The following CHRM3 variants were observed in gnomAD, a reference collection of about 807,000 sequenced individuals.
CHRM3 encodes cholinergic receptor muscarinic 3.
In CHRM3, 11 loss-of-function variants were observed where a neutral mutation model predicts 41.8. The observed-to-expected ratio is 0.26, with a 90% CI of 0.17 to 0.44. The LOEUF (loss-of-function observed/expected upper bound fraction) is 0.44. CHRM3 is among the 20% of genes least tolerant of loss of function. The pLI, the probability that CHRM3 is intolerant of heterozygous loss-of-function variation, is 1.00. For synonymous variants in CHRM3, 297 were observed against 301.4 expected, an observed-to-expected ratio of 0.99 and a Z score of 0.15; for missense variants, 571 against 745.4, an observed-to-expected ratio of 0.77 and a Z score of 2.72.
At chr1:239,390,963 C>T (rs914803088) in intron 1 of CHRM3, among the ~76,000 whole-genome samples, 1 of 152,066 alleles carries the variant, frequency 6.6e-6, no homozygotes, top group Non-Finnish European at 1.5e-5. Flanking sequence ...ATAGCCAGAC[C>T]CCATCTCTAC....
intron 5 of CHRM3, among the ~76,000 whole-genome samples, chr1:239,698,931 C>T (rs1210161762): frequency 6.6e-6 from 1 of 152,170 alleles, no homozygotes; most frequent in East Asian, 1.9e-4. Context: ...TGTTCTCACA[C>T]ACTTACTTCT....
intron 1 of CHRM3, among the ~76,000 whole-genome samples, chr1:239,486,623 C>A (rs1667199450): frequency 6.6e-6 from 1 of 152,152 alleles, no homozygotes; most frequent in Non-Finnish European, 1.5e-5. Flanking sequence ...GTGAAAGTAG[C>A]CAAACCAGGT....
chr1:239,640,093 C>A (rs1384443648), intron 4 of CHRM3, among the ~76,000 whole-genome samples: 1 of 151,854 alleles, frequency 6.6e-6, no homozygotes, highest in Non-Finnish European at 1.5e-5. Context: ...ATTGAACCAG[C>A]CTTGCATCCC....
At chr1:239,594,485 C>T (rs1160631297) in intron 3 of CHRM3, among the ~76,000 whole-genome samples, 1 of 152,142 alleles carries the variant, frequency 6.6e-6, no homozygotes. Flanking sequence ...TAGTCTAAAA[C>T]CTGTGAATTT....
chr1:239,595,015 G>A (rs530002354), intron 3 of CHRM3, among the ~76,000 whole-genome samples: 60 of 152,340 alleles, frequency 3.9e-4, no homozygotes, highest in African/African-American at 1.4e-3. Context: ...CTTGAACCCG[G>A]CAGGTGGAGG....
At position 239,908,745 on chromosome 1, in the gene CHRM3, G is replaced by C. The variant is rs1446692422; in HGVS notation, c.1294G>C (p.Glu432Gln). ...KSFSKLPIQLESAVDTAKTSD... is the reference protein window; with the variant it reads ...KSFSKLPIQLQSAVDTAKTSD... ...CTTCTCCAAGCTTCCCATCCAGCTAGAGTCAGCCGTGGACACAGCTAAGAC... is the reference window on the plus strand; with the variant it reads ...CTTCTCCAAGCTTCCCATCCAGCTACAGTCAGCCGTGGACACAGCTAAGAC... Residue 432 changes from glutamate (E) to glutamine (Q), a missense_variant, in exon 7 of 7, where the codon GAG becomes CAG. By Grantham distance (29) the Glu-to-Gln change is conservative. Coordinates refer to ENST00000676153, the MANE Select transcript of CHRM3 (RefSeq NM_001375978.1). The surrounding 1 kb of genome is among the most constrained non-coding windows in gnomAD (Gnocchi z 7.2). 1.2e-6 allele frequency: 2 copies of C among 1,613,904 alleles called. No homozygotes were observed. Among genetic ancestry groups the C allele is most frequent in the Admixed American group, 1.7e-5 (1 of 59,974 alleles).
intron 1 of CHRM3, among the ~76,000 whole-genome samples, chr1:239,485,984 G>T (rs760013053): frequency 7.9e-5 from 12 of 152,094 alleles, no homozygotes; most frequent in Non-Finnish European, 1.6e-4. Context: ...TTACCTAGGG[G>T]TACTCTCATT....
At chr1:239,597,524 A>G (rs1029609232) in intron 3 of CHRM3, among the ~76,000 whole-genome samples, 2 of 152,078 alleles carry the variant, frequency 1.3e-5, no homozygotes, top group African/African-American at 4.8e-5. Flanking sequence ...CTTTCTCCTC[A>G]TGAATTGTTT....
At chr1:239,759,159 T>G (rs1666493405) in intron 5 of CHRM3, among the ~76,000 whole-genome samples, 1 of 134,010 alleles carries the variant, frequency 7.5e-6, no homozygotes, top group Admixed American at 7.4e-5. Flanking sequence ...CTTTATGGGT[T>G]TTTTTTTTTG....
chr1:239,453,555 C>T (rs1664713794), intron 1 of CHRM3, among the ~76,000 whole-genome samples: 2 of 152,142 alleles, frequency 1.3e-5, no homozygotes, highest in African/African-American at 4.8e-5. Flanking sequence ...GATGCTGCCT[C>T]TTTGTATTTC....
At chr1:239,686,377 C>G (rs1386997010) in intron 5 of CHRM3, among the ~76,000 whole-genome samples, 3 of 152,166 alleles carry the variant, frequency 2.0e-5, no homozygotes, top group Non-Finnish European at 4.4e-5. Context: ...AGTATACTTG[C>G]ATGTGCTGCT....
intron 6 of CHRM3, among the ~76,000 whole-genome samples, chr1:239,848,656 T>G (rs1015798755): frequency 2.6e-5 from 4 of 152,210 alleles, no homozygotes; most frequent in African/African-American, 9.6e-5. Flanking sequence ...TCTTAGTTTC[T>G]GCATCCCTAT....
chr1:239,431,134 G>A (rs1201078226), intron 1 of CHRM3, among the ~76,000 whole-genome samples: 3 of 151,980 alleles, frequency 2.0e-5, no homozygotes, highest in Non-Finnish European at 2.9e-5. Context: ...TCATGTATTC[G>A]CTTGTTTATG....
rs927740550 is a variant in CHRM3, at chr1:239,531,116, G to C, written c.-421-14525G>C. ...TAGAGATTGTTATTAGGATTTTTTT[G>C]CAGAAATTGACAAGCTGACCCAAAA... On this transcript the variant is annotated intron_variant, in intron 2 of 6. Coordinates refer to ENST00000676153, the MANE Select transcript of CHRM3 (RefSeq NM_001375978.1). Among the ~76,000 whole-genome samples the C allele has an allele frequency of 6.6e-5, 10 of 152,054 alleles. No homozygotes were observed. In the East Asian group the frequency reaches 1.2e-3, roughly 18 times the overall value.
At chr1:239,756,848 T>A (rs2148619277) in intron 5 of CHRM3, among the ~76,000 whole-genome samples, 1 of 152,362 alleles carries the variant, frequency 6.6e-6, no homozygotes, top group South Asian at 2.1e-4. Flanking sequence ...CACATAATTT[T>A]GCATAATGCT....
chr1:239,612,885 G>A (rs553274638), intron 3 of CHRM3, among the ~76,000 whole-genome samples: 1 of 152,264 alleles, frequency 6.6e-6, no homozygotes, highest in South Asian at 2.1e-4. Context: ...CCATCTTGAG[G>A]AAGCTCCTTA....
intron 6 of CHRM3, among the ~76,000 whole-genome samples, chr1:239,884,431 A>C (rs1339722539): frequency 6.6e-6 from 1 of 152,208 alleles, no homozygotes; most frequent in Non-Finnish European, 1.5e-5. Flanking sequence ...GTGGCCCTGG[A>C]AACACCTTGA....
At chr1:239,856,582 T>C (rs1675139799) in intron 6 of CHRM3, among the ~76,000 whole-genome samples, 3 of 152,128 alleles carry the variant, frequency 2.0e-5, no homozygotes, top group Admixed American at 2.0e-4. Flanking sequence ...TCTCTATAAA[T>C]TACCCAGTCT....
intron 1 of CHRM3, among the ~76,000 whole-genome samples, chr1:239,479,735 A>G (rs1666706046): frequency 6.6e-6 from 1 of 152,202 alleles, no homozygotes; most frequent in Admixed American, 6.5e-5. Flanking sequence ...GTATCTCAAC[A>G]TAGAAAAGTC....
Sources: allele counts gnomAD v4.1 joint callset (sites outside exome capture counted in the v4.1 genomes callset), GRCh38; gene constraint gnomAD v4.1.1; non-coding constraint Gnocchi (gnomAD v3.1); transcripts MANE v1.5; gene names NCBI Gene and HGNC (gene_info 2026-07-23, HGNC 2026-07-21).